The following ARMC3 variants were observed in gnomAD, a reference collection of about 807,000 sequenced individuals.
ARMC3 encodes armadillo repeat-containing protein 3.
ARMC3 carries 74 observed loss-of-function variants against 90.3 expected under a neutral mutation model. The ratio of observed to expected loss-of-function variants is 0.82; its 90% CI spans 0.68 to 0.99. The LOEUF (loss-of-function observed/expected upper bound fraction) is 0.99, where lower values mean the gene tolerates loss of function less well. Ranked by LOEUF, ARMC3 falls within the 50% of genes least tolerant of loss-of-function variation. The pLI is 0.00. For synonymous variants in ARMC3, 334 were observed against 361.8 expected (o/e 0.92, Z 0.87); for missense variants, 958 against 1,042.8 (o/e 0.92, Z 1.12).
At chr10:22,986,104 C>A (rs2131356589) in intron 10 of ARMC3, among the ~76,000 whole-genome samples, 1 of 145,142 alleles carries the variant, frequency 6.9e-6, no homozygotes, top group African/African-American at 2.6e-5. Context: ...CACCCCTGCA[C>A]TGCACGCCCC....
intron 11 of ARMC3, among the ~76,000 whole-genome samples, chr10:22,998,824 A>G (rs1362603240): frequency 6.6e-6 from 1 of 152,256 alleles, no homozygotes; most frequent in African/African-American, 2.4e-5. Context: ...GCATTATGCC[A>G]AGCAAAAACA....
intron 10 of ARMC3, among the ~76,000 whole-genome samples, chr10:22,984,883 T>C (rs543410954): frequency 6.7e-6 from 1 of 150,248 alleles, no homozygotes; most frequent in African/African-American, 2.4e-5. Context: ...AACCTTCTGT[T>C]TTTTTTTTAG....
chr10:23,004,599 G>A lies in ARMC3; in HGVS notation c.1731+1185G>A, dbSNP rs79367948. ...GGTGCAAGAACTCAGGACACGGGGA[G>A]TGAGGCTGACAGCAGAAGCCTTCTT... On this transcript the variant is annotated intron_variant, in intron 13 of 18. Coordinates refer to ENST00000298032, the MANE Select transcript of ARMC3 (RefSeq NM_173081.5). Among the ~76,000 whole-genome samples the A allele has an allele frequency of 7.6e-3, 1,152 of 152,266 alleles. 5 individuals carry two copies. The highest frequency in any genetic ancestry group is 0.011 in the Non-Finnish European group (766 of 68,022).
intron 16 of ARMC3, among the ~76,000 whole-genome samples, chr10:23,010,058 G>C (rs954306084): frequency 2.0e-5 from 3 of 151,900 alleles, no homozygotes; most frequent in Admixed American, 6.6e-5. Context: ...AGTCTCTGTT[G>C]CTCAATATTC....
Position 22,929,361 on chromosome 10 carries a change from T to C in ARMC3, c.-2+1255T>C, listed in dbSNP as rs538307538. 2.0e-5 allele frequency among the ~76,000 whole-genome samples: 3 copies of C among 151,762 alleles called. No individual in the cohort carries two copies. In the East Asian group the frequency reaches 5.8e-4, roughly 29 times the overall value. On this transcript the variant is annotated intron_variant, in intron 1 of 18. Transcript: ENST00000298032. ...GAAAGGAAAAGAAAAGAAATAGTAT[T>C]GATCTCTCTGAGCTTATCTTTGGGT...
intron 3 of ARMC3, among the ~76,000 whole-genome samples, chr10:22,954,611 G>A (rs540460262): frequency 6.6e-6 from 1 of 150,504 alleles, no homozygotes; most frequent in East Asian, 2.0e-4. Flanking sequence ...GGTCGAGACT[G>A]CAGAGAGCCA....
At chr10:22,949,088 A>T (rs148325099) in intron 3 of ARMC3, among the ~76,000 whole-genome samples, 79 of 152,344 alleles carry the variant, frequency 5.2e-4, no homozygotes, top group African/African-American at 1.9e-3. Context: ...AGAAATAATT[A>T]GTCCTAGATT....
At chr10:23,008,514 T>C (rs561365100) in intron 15 of ARMC3, 140 bp downstream of exon 15, 1 of 644,154 alleles carries the variant, frequency 1.6e-6, no homozygotes, top group East Asian at 2.8e-5. Context: ...CCTTTTACAT[T>C]GCTATGGGAA....
Position 22,981,548 on chromosome 10 carries a change from C to G in ARMC3, c.1070-47C>G, listed in dbSNP as rs755415618. The stretch of plus-strand genomic sequence containing the variant: ...ATTTTTAGGTTACCGTATTTTAGTG[C>G]ACATGGGCATTTTAAAAGTCACATT... On this transcript the variant is annotated intron_variant, in intron 9 of 18. Transcript: ENST00000298032. The G allele has an allele frequency of 3.7e-6, 6 of 1,612,794 alleles. No homozygotes were observed. The Admixed American group carries it at 8.3e-5, about 22-fold the overall frequency.
intron 2 of ARMC3, among the ~76,000 whole-genome samples, chr10:22,938,811 G>A (rs1834210270): frequency 6.6e-6 from 1 of 152,114 alleles, no homozygotes; most frequent in African/African-American, 2.4e-5. Flanking sequence ...AGCAAGCCTA[G>A]TCGCCCAAGG....
intron 1 of ARMC3, among the ~76,000 whole-genome samples, chr10:22,931,535 A>G (rs907360742): frequency 6.6e-6 from 1 of 152,222 alleles, no homozygotes; most frequent in Admixed American, 6.5e-5. Context: ...AGGTTTATAA[A>G]TATCAAATGC....
intron 18 of ARMC3, 57 bp downstream of exon 18, chr10:23,033,080 T>C (rs1035069746): frequency 1.3e-6 from 2 of 1,554,584 alleles, no homozygotes; most frequent in South Asian, 1.2e-5. Flanking sequence ...GTCTTTATCA[T>C]ACTGGAGTAG....
At chr10:23,021,542 G>A (rs1838515470) in intron 16 of ARMC3, among the ~76,000 whole-genome samples, 1 of 152,100 alleles carries the variant, frequency 6.6e-6, no homozygotes. Context: ...TTCTCATTAT[G>A]GTTTTGATTT....
At chr10:23,010,475 C>T (rs141394131) in intron 16 of ARMC3, among the ~76,000 whole-genome samples, 17 of 9,258 alleles carry the variant, frequency 1.8e-3, no homozygotes, top group African/African-American at 3.7e-3. Context: ...CCTTCCTTTC[C>T]CTCCTCCCTC....
intron 2 of ARMC3, among the ~76,000 whole-genome samples, chr10:22,943,952 G>C (rs965318846): frequency 6.6e-6 from 1 of 150,854 alleles, no homozygotes; most frequent in Non-Finnish European, 1.5e-5. Flanking sequence ...AAAAAAAATT[G>C]TATTATGATT....
intron 16 of ARMC3, among the ~76,000 whole-genome samples, chr10:23,022,932 T>C (rs1260232468): frequency 6.6e-6 from 1 of 151,770 alleles, no homozygotes; most frequent in Non-Finnish European, 1.5e-5. Flanking sequence ...ACTGGGCAGG[T>C]GGGTGGAACC....
intron 3 of ARMC3, among the ~76,000 whole-genome samples, chr10:22,954,926 C>T (rs1385692097): frequency 6.6e-6 from 1 of 152,008 alleles, no homozygotes; most frequent in Non-Finnish European, 1.5e-5. Context: ...ATAAGGAGAG[C>T]CAGGGGTGTA....
intron 16 of ARMC3, among the ~76,000 whole-genome samples, chr10:23,029,251 G>C (rs1838826220): frequency 6.6e-6 from 1 of 152,176 alleles, no homozygotes; most frequent in Non-Finnish European, 1.5e-5. Flanking sequence ...ACTGGGCTAA[G>C]TTTATTTCAG....
At chr10:23,024,399 T>C (rs1287421179) in intron 16 of ARMC3, among the ~76,000 whole-genome samples, 1 of 122,146 alleles carries the variant, frequency 8.2e-6, no homozygotes, top group Non-Finnish European at 2.0e-5. Flanking sequence ...GCCACATAGA[T>C]AGATAGATAG....
Sources: allele counts gnomAD v4.1 joint callset (sites outside exome capture counted in the v4.1 genomes callset), GRCh38; gene constraint gnomAD v4.1.1; transcripts MANE v1.5; gene names NCBI Gene and HGNC (gene_info 2026-07-23, HGNC 2026-07-21).